Variants in KSR1 observed in about 807,000 individuals in gnomAD.
The protein encoded by KSR1 is kinase suppressor of ras 1.
KSR1 carries 35 observed loss-of-function variants against 92.9 expected under a neutral mutation model. The observed-to-expected ratio is 0.38, with a 90% confidence interval of 0.29 to 0.50. The LOEUF (loss-of-function observed/expected upper bound fraction) is 0.50. Among genes scored for constraint, KSR1 ranks in the 20% least tolerant of loss-of-function variants. The pLI, the probability that KSR1 is intolerant of heterozygous loss-of-function variation, is 0.94. For missense variants in KSR1, 972 were observed against 1,158.5 expected, an observed-to-expected ratio of 0.84 and a Z score of 2.34; for synonymous variants, 467 against 472.6, an observed-to-expected ratio of 0.99 and a Z score of 0.15.
intron 1 of KSR1, chr17:27,465,350 T>A (rs2150908239): frequency 1.3e-5 from 2 of 152,286 alleles, no homozygotes; most frequent in Admixed American, 1.3e-4. Flanking sequence ...CCCCTTCCAT[T>A]TTTCTAATCT....
intron 1 of KSR1, among the ~76,000 whole-genome samples, chr17:27,510,501 C>T (rs989352517): frequency 6.6e-5 from 10 of 152,158 alleles, no homozygotes; most frequent in Non-Finnish European, 8.8e-5. Flanking sequence ...TTTTTAGACA[C>T]GATGAAATTG....
At position 27,623,339 on chromosome 17, in the gene KSR1, C is replaced by T. The variant is rs1276141194; in HGVS notation, c.2734C>T (p.Arg912Trp). ...CATTAACAGCAGCAAAGTTGTACCCCGGTTTGAAAGGTTTGGCTTGGGCGT... is the reference window on the plus strand; with the variant it reads ...CATTAACAGCAGCAAAGTTGTACCCTGGTTTGAAAGGTTTGGCTTGGGCGT... ...EYINSSKVVPRFERFGLGVLE... is the reference protein window; with the variant it reads ...EYINSSKVVPWFERFGLGVLE... The change falls in exon 21 of 21, where the codon CGG (arginine) becomes TGG (tryptophan). Residue 912 changes from arginine (R) to tryptophan (W), a missense_variant. Coordinates refer to ENST00000644974, the MANE Select transcript of KSR1 (RefSeq NM_001394583.1). 2.6e-6 allele frequency: 2 copies of T among 765,006 alleles called. No homozygotes were observed. The highest frequency in any genetic ancestry group is 1.3e-5 in the South Asian group (1 of 74,562). 47.4% of individuals were successfully genotyped at this position (765,006 alleles called of 1,614,324 possible).
chr17:27,608,013 GA>G lies in KSR1; in HGVS notation c.2091+4del, dbSNP rs2073810623. ...AAATCGCTCAGGAGATCATCAAGGT[GA>G]GGGGGTGCCCAGCTGCTGGGGGTGG... On this transcript the variant is annotated splice_donor_region_variant and intron_variant, in intron 15 of 20. Coordinates refer to ENST00000644974, the MANE Select transcript of KSR1 (RefSeq NM_001394583.1). 6.2e-7 allele frequency: 1 copy of G among 1,600,540 alleles called. No homozygotes were observed. Among genetic ancestry groups the G allele is most frequent in the African/African-American group, 1.3e-5 (1 of 74,794 alleles).
At chr17:27,539,180 A>G (rs969890831) in intron 1 of KSR1, among the ~76,000 whole-genome samples, 4 of 152,204 alleles carry the variant, frequency 2.6e-5, no homozygotes, top group Admixed American at 1.3e-4. Context: ...AATGTCAGGA[A>G]TACTCCAGGA....
intron 1 of KSR1, chr17:27,526,828 C>G: frequency 1.3e-6 from 1 of 792,328 alleles, no homozygotes; most frequent in East Asian, 2.5e-5. Context: ...TGGGCTCCTC[C>G]TCCGGGGGGA....
Position 27,597,323 on chromosome 17 carries a change from C to T in KSR1, c.1355C>T (p.Thr452Ile). Residue 452 changes from threonine (T) to isoleucine (I), a missense_variant, in exon 10 of 21, where the codon ACC (threonine) becomes ATC (isoleucine). Thr to Ile is a moderately conservative substitution (Grantham distance 89). This residue lies in a region of KSR1 where 611 missense variants were observed against 668.0 expected (regional missense o/e 0.91). Transcript: ENST00000644974. ...TCCAGCAGCAACCCTTCCTCCACCACCTCCTCCACACCCTCCTCACCGGCG... is the reference window on the plus strand; with the variant it reads ...TCCAGCAGCAACCCTTCCTCCACCATCTCCTCCACACCCTCCTCACCGGCG... ...LDSSSNPSST[T>I]SSTPSSPAPF... 1 of 1,610,730 alleles carries T rather than the reference C, an allele frequency of 6.2e-7. No individual in the cohort carries two copies. The highest frequency in any genetic ancestry group is 8.5e-7 in the Non-Finnish European group (1 of 1,178,522).
intron 1 of KSR1, among the ~76,000 whole-genome samples, chr17:27,479,102 A>C (rs2068435359): frequency 7.2e-6 from 1 of 138,592 alleles, no homozygotes. Context: ...CCCTCCATCC[A>C]TGCTCCTCTC....
chr17:27,617,041 C>G (rs116072605), intron 18 of KSR1, among the ~76,000 whole-genome samples: 55 of 152,294 alleles, frequency 3.6e-4, no homozygotes, highest in African/African-American at 1.3e-3. Flanking sequence ...CATGGTTACT[C>G]TTATTTTGGG....
In KSR1 at chr17:27,513,195, C is replaced by G. The variant is rs969148489; in HGVS notation, c.232-37373C>G. ...TCGTTGCATGTAGCTGTCATTTGTT[C>G]ATTTTCATTGCTGTGTGTTATTCGA... On this transcript the variant is annotated intron_variant, in intron 1 of 20. Transcript: ENST00000644974. Among the ~76,000 whole-genome samples, 3 of 152,096 alleles carry G rather than the reference C, an allele frequency of 2.0e-5. No homozygotes were observed. The South Asian group carries it at 6.2e-4, about 32-fold the overall frequency.
chr17:27,543,620 G>A (rs1274952417), intron 1 of KSR1, among the ~76,000 whole-genome samples: 1 of 152,204 alleles, frequency 6.6e-6, no homozygotes, highest in African/African-American at 2.4e-5. Flanking sequence ...GCCTCCATTT[G>A]GGAGGCCTGT....
intron 1 of KSR1, among the ~76,000 whole-genome samples, chr17:27,543,423 A>G (rs980266620): frequency 6.6e-6 from 1 of 152,172 alleles, no homozygotes; most frequent in Non-Finnish European, 1.5e-5. Context: ...AGGGACCTGC[A>G]GGGTAGGGGT....
intron 1 of KSR1, among the ~76,000 whole-genome samples, chr17:27,546,968 A>T (rs192433859): frequency 2.1e-4 from 32 of 152,284 alleles, no homozygotes; most frequent in African/African-American, 6.3e-4. Flanking sequence ...CATGGGGTGC[A>T]GGAATGTCAG....
At position 27,456,618 on chromosome 17, in the gene KSR1, G is replaced by C. The variant is rs1160200043; in HGVS notation, c.-26G>C. The C allele has an allele frequency of 4.2e-6, 2 of 476,226 alleles. No homozygotes were observed. Among genetic ancestry groups the C allele is most frequent in the Middle Eastern group, 5.3e-4 (1 of 1,878 alleles). 29.5% of individuals were successfully genotyped at this position (476,226 alleles called of 1,614,324 possible). The stretch of plus-strand genomic sequence containing the variant: ...GCCCGCGCCCCGGGCTCCCAGCCTC[G>C]GCCGCCGCGGCCCCGATGCCGAGGC... On this transcript the variant is annotated 5_prime_UTR_variant, in exon 1 of 21. Transcript: ENST00000644974.
At chr17:27,554,238 C>T (rs1388664663) in intron 2 of KSR1, among the ~76,000 whole-genome samples, 1 of 152,202 alleles carries the variant, frequency 6.6e-6, no homozygotes, top group African/African-American at 2.4e-5. Flanking sequence ...CAGACCTTGG[C>T]AATGACCTTG....
At chr17:27,621,803 T>C (rs1598165993) in intron 20 of KSR1, 1 of 879,442 alleles carries the variant, frequency 1.1e-6, no homozygotes, top group East Asian at 2.5e-5. Context: ...GATGGCCCTT[T>C]CTCTCTGGAA....
At chr17:27,532,197 A>G (rs2070566652) in intron 1 of KSR1, among the ~76,000 whole-genome samples, 2 of 152,226 alleles carry the variant, frequency 1.3e-5, no homozygotes. Flanking sequence ...GGTCCTGCTA[A>G]TAATCCTCAC....
intron 1 of KSR1, among the ~76,000 whole-genome samples, chr17:27,519,428 C>T (rs1000189744): frequency 2.0e-5 from 3 of 152,238 alleles, no homozygotes; most frequent in Non-Finnish European, 2.9e-5. Flanking sequence ...TCCCCACACC[C>T]GTGTTACAGC....
At chr17:27,488,892 A>T (rs1045100939) in intron 1 of KSR1, among the ~76,000 whole-genome samples, 2 of 152,188 alleles carry the variant, frequency 1.3e-5, no homozygotes, top group African/African-American at 4.8e-5. Flanking sequence ...TGAACCCGGG[A>T]GGCGGAGGTT....
chr17:27,609,545 A>C (rs889912311), intron 16 of KSR1, among the ~76,000 whole-genome samples: 1 of 152,154 alleles, frequency 6.6e-6, no homozygotes, highest in African/African-American at 2.4e-5. Flanking sequence ...AGGTCCCCAC[A>C]CTCACATTTG....
Sources: gnomAD v4.1 joint callset for allele counts (sites outside exome capture counted in the v4.1 genomes callset) on GRCh38, gnomAD v4.1.1 for gene constraint, gnomAD v4.1.1 regional missense constraint, MANE v1.5 for transcripts, NCBI Gene and HGNC (gene_info 2026-07-23, HGNC 2026-07-21) for gene names.